Variants in DPM1 observed in about 807,000 individuals in gnomAD.
DPM1 encodes dolichyl-phosphate mannosyltransferase subunit 1, catalytic, also known as dolichol-phosphate mannosyltransferase subunit 1.
In DPM1, 27 loss-of-function variants were observed where a neutral mutation model predicts 39.0. That is an observed-to-expected ratio of 0.69 (90% CI 0.51 to 0.95). DPM1 has a LOEUF of 0.95. Among genes scored for constraint, DPM1 ranks in the 40% least tolerant of loss-of-function variants. The probability of loss-of-function intolerance (pLI) is 0.00; values close to 1 mark genes in which losing one functional copy is unlikely to be tolerated. For synonymous variants in DPM1, 124 were observed against 109.0 expected, an observed-to-expected ratio of 1.14 and a Z score of -0.86; for missense variants, 307 against 315.6, an observed-to-expected ratio of 0.97 and a Z score of 0.21.
chr20:50,938,047 T>C (rs1385677818), intron 7 of DPM1, among the ~76,000 whole-genome samples: 1 of 152,158 alleles, frequency 6.6e-6, no homozygotes, highest in Non-Finnish European at 1.5e-5. Flanking sequence ...TTTATTCCCC[T>C]TAAGAATCAT....
At chr20:50,936,467 A>G (rs950080531) in intron 7 of DPM1, among the ~76,000 whole-genome samples, 63 of 152,238 alleles carry the variant, frequency 4.1e-4, no homozygotes, top group African/African-American at 1.5e-3. Flanking sequence ...AACTTAGAAT[A>G]ATTGTGAAAA....
intron 6 of DPM1, among the ~76,000 whole-genome samples, chr20:50,941,708 T>C (rs6096198): frequency 0.11 from 16,984 of 152,028 alleles, 970 homozygotes; most frequent in Middle Eastern, 0.16. Flanking sequence ...AATTACACTA[T>C]AATTATGGGG....
chr20:50,941,504 G>C (rs1985822985), intron 6 of DPM1, among the ~76,000 whole-genome samples: 1 of 150,426 alleles, frequency 6.6e-6, no homozygotes, highest in Admixed American at 6.7e-5. Context: ...CTGAGCTCAG[G>C]AGTTCGAGGG....
intron 1 of DPM1, 26 bp downstream of exon 1, chr20:50,958,337 T>A (rs1262683822): frequency 6.2e-7 from 1 of 1,610,954 alleles, no homozygotes; most frequent in East Asian, 2.2e-5. Flanking sequence ...ATCTCATTCT[T>A]CGGGGAGGGA....
intron 6 of DPM1, among the ~76,000 whole-genome samples, chr20:50,941,816 A>C (rs973358815): frequency 1.7e-4 from 26 of 152,220 alleles, no homozygotes; most frequent in African/African-American, 6.3e-4. Context: ...GACCATTTCT[A>C]CCAAAGGTCC....
chr20:50,943,601 C>T (rs752276730), intron 5 of DPM1, among the ~76,000 whole-genome samples: 9 of 152,042 alleles, frequency 5.9e-5, no homozygotes, highest in African/African-American at 1.9e-4. Context: ...CCTCATGATC[C>T]GCCCGCCTCA....
At chr20:50,955,441 C>A (rs959553958) in intron 1 of DPM1, among the ~76,000 whole-genome samples, 156 bp from the exon 2 acceptor site, 2 of 152,174 alleles carry the variant, frequency 1.3e-5, no homozygotes, top group Admixed American at 1.3e-4. Context: ...AAATGTCAAA[C>A]ATTTAGTACT....
At chr20:50,945,591 A>G in intron 5 of DPM1, 146 bp downstream of exon 5, 1 of 803,856 alleles carries the variant, frequency 1.2e-6, no homozygotes, top group Non-Finnish European at 2.0e-6. Context: ...CAACCCTCCT[A>G]CCCTGACTTC....
At chr20:50,937,833 A>T (rs756604462) in intron 7 of DPM1, among the ~76,000 whole-genome samples, 5 of 148,440 alleles carry the variant, frequency 3.4e-5, no homozygotes, top group South Asian at 2.1e-4. Flanking sequence ...TATTATTATT[A>T]TTATTTTTAT....
chr20:50,941,256 ATAT>A, intron 6 of DPM1: 1 of 172,742 alleles, frequency 5.8e-6, no homozygotes, highest in African/African-American at 2.8e-5. Flanking sequence ...ATATATATAT[ATAT>A]ATATAAATAA....
rs964186136 is a variant in DPM1, at chr20:50,948,796, C to G, written c.262-134G>C. On this transcript the variant is annotated intron_variant, in intron 2 of 8. Transcript: ENST00000371588. Reference sequence around the variant, plus strand: ...TTGTTAGAACTTAAAGCAAAGTATCCTTAATATTTTTTTGCCAAAAGAAAA... The same window carrying G: ...TTGTTAGAACTTAAAGCAAAGTATCGTTAATATTTTTTTGCCAAAAGAAAA... 2.5e-5 allele frequency: 20 copies of G among 802,582 alleles called. No individual in the cohort carries two copies. In the Admixed American group the frequency reaches 3.9e-4, roughly 16 times the overall value. The allele number at this position is 802,582 out of a possible 1,614,324, so 49.7% of individuals were successfully genotyped here.
chr20:50,939,375 GT>G (rs201134316), intron 7 of DPM1, among the ~76,000 whole-genome samples: 4 of 149,310 alleles, frequency 2.7e-5, no homozygotes, highest in African/African-American at 9.9e-5. Context: ...GTTTTTTTTT[GT>G]TTTTTTTTAG....
At chr20:50,952,161 A>G (rs1447202079) in intron 2 of DPM1, among the ~76,000 whole-genome samples, 1 of 152,194 alleles carries the variant, frequency 6.6e-6, no homozygotes, top group African/African-American at 2.4e-5. Context: ...CATGAGGAAC[A>G]AGCAAGTGGA....
At chr20:50,957,537 C>A (rs139202000) in intron 1 of DPM1, among the ~76,000 whole-genome samples, 3 of 151,986 alleles carry the variant, frequency 2.0e-5, no homozygotes, top group Non-Finnish European at 4.4e-5. Context: ...TTCTCATCGA[C>A]AAAGCAAAAG....
At chr20:50,940,480 CTG>C (rs1985634577) in intron 7 of DPM1, among the ~76,000 whole-genome samples, 2 of 152,140 alleles carry the variant, frequency 1.3e-5, no homozygotes, top group Admixed American at 6.5e-5. Flanking sequence ...AACAAGGTAA[CTG>C]AGAGAGCTCT....
chr20:50,948,477 C>T (rs945997499), intron 3 of DPM1, 152 bp downstream of exon 3: 1 of 835,334 alleles, frequency 1.2e-6, no homozygotes, highest in African/African-American at 1.7e-5. Context: ...TACAGGCGAC[C>T]CAAGTTATAC....
intron 7 of DPM1, among the ~76,000 whole-genome samples, chr20:50,937,918 T>C (rs1467675177): frequency 6.6e-6 from 1 of 152,136 alleles, no homozygotes; most frequent in Non-Finnish European, 1.5e-5. Context: ...GCTCAAGATA[T>C]CCTCCATCAC....
chr20:50,950,199 T>C (rs756476807), intron 2 of DPM1, among the ~76,000 whole-genome samples: 13 of 152,250 alleles, frequency 8.5e-5, no homozygotes, highest in Non-Finnish European at 1.9e-4. Flanking sequence ...TTTAAGCTGA[T>C]AACAATCTAA....
chr20:50,950,280 C>T (rs1986508183), intron 2 of DPM1, among the ~76,000 whole-genome samples: 2 of 152,186 alleles, frequency 1.3e-5, no homozygotes, highest in South Asian at 4.1e-4. Context: ...TTTTAAGTCA[C>T]AATTTGTATC....
Sources: allele counts gnomAD v4.1 joint callset (sites outside exome capture counted in the v4.1 genomes callset), GRCh38; gene constraint gnomAD v4.1.1; transcripts MANE v1.5; gene names NCBI Gene and HGNC (gene_info 2026-07-23, HGNC 2026-07-21).